Variants in KIF5C observed in about 807,000 individuals in gnomAD.
The protein encoded by KIF5C is kinesin family member 5C.
KIF5C carries 18 observed loss-of-function variants against 125.2 expected under a neutral mutation model. The observed-to-expected ratio is 0.14, with a 90% CI of 0.10 to 0.21. The LOEUF (loss-of-function observed/expected upper bound fraction) is 0.21, where lower values mean the gene tolerates loss of function less well. Among genes scored for constraint, KIF5C ranks in the 10% least tolerant of loss-of-function variants. The pLI is 1.00. For synonymous variants in KIF5C, 405 were observed against 434.0 expected, an observed-to-expected ratio of 0.93 and a Z score of 0.83; for missense variants, 780 against 1,183.8, an observed-to-expected ratio of 0.66 and a Z score of 5.01.
In KIF5C at chr2:149,007,115, G is replaced by A. The variant is rs547549300; in HGVS notation, c.2446-848G>A. ...CAGGTCCACTGAATCAGAGACTAGG[G>A]ATGGGGCGTGGCAATCTAAGTCTCA... is the stretch of plus-strand genomic sequence containing the variant. On this transcript the variant is annotated intron_variant, in intron 22 of 25. Transcript: ENST00000435030. 6.6e-5 allele frequency among the ~76,000 whole-genome samples: 10 copies of A among 152,310 alleles called. No homozygotes were observed. In the South Asian group the frequency reaches 2.1e-3, roughly 32 times the overall value.
chr2:148,989,314 G>A (rs1681462229), intron 15 of KIF5C, among the ~76,000 whole-genome samples: 1 of 150,970 alleles, frequency 6.6e-6, no homozygotes, highest in African/African-American at 2.4e-5. Context: ...TCCTTTTTAT[G>A]GCTGGGTAGT....
intron 1 of KIF5C, among the ~76,000 whole-genome samples, chr2:148,918,151 C>G (rs1474239748): frequency 6.6e-6 from 1 of 152,172 alleles, no homozygotes; most frequent in Non-Finnish European, 1.5e-5. Context: ...TAAGAACCAT[C>G]TGCTGTTATT....
chr2:148,878,934 T>C (rs1182353305), intron 1 of KIF5C: 1 of 152,230 alleles, frequency 6.6e-6, no homozygotes, highest in Non-Finnish European at 1.5e-5. Flanking sequence ...GGTCATTTTT[T>C]CCCTTAAAGT....
intron 21 of KIF5C, 114 bp from the exon 22 acceptor site, chr2:149,005,279 C>T: frequency 1.3e-6 from 2 of 1,497,772 alleles, no homozygotes; most frequent in Non-Finnish European, 9.0e-7. Context: ...GAAGGGGGTG[C>T]ACCAGCGGCG....
intron 9 of KIF5C, 94 bp from the exon 10 acceptor site, chr2:148,950,220 T>A: frequency 6.6e-7 from 1 of 1,523,132 alleles, no homozygotes; most frequent in Non-Finnish European, 8.8e-7. Context: ...TTTACTCGGT[T>A]TCTAAGCTCA....
intron 25 of KIF5C, among the ~76,000 whole-genome samples, chr2:149,013,404 C>T (rs1682269464): frequency 6.6e-6 from 1 of 152,134 alleles, no homozygotes; most frequent in South Asian, 2.1e-4. Flanking sequence ...TTCCTGAAGC[C>T]CCATGCAATG....
intron 8 of KIF5C, chr2:148,947,917 A>G (rs1313757205): frequency 2.2e-6 from 1 of 456,722 alleles, no homozygotes; most frequent in Admixed American, 2.3e-5. Context: ...ATTGCACTAC[A>G]TCACTGAGTT....
At chr2:148,897,375 C>T (rs564573225) in intron 1 of KIF5C, among the ~76,000 whole-genome samples, 108 of 152,188 alleles carry the variant, frequency 7.1e-4, no homozygotes, top group Non-Finnish European at 1.3e-3. Flanking sequence ...TTATAGCTTC[C>T]TTTCAAAAAT....
At chr2:148,938,400 G>A (rs943653540) in intron 4 of KIF5C, among the ~76,000 whole-genome samples, 7 of 152,014 alleles carry the variant, frequency 4.6e-5, no homozygotes, top group Non-Finnish European at 7.4e-5. Context: ...TGAGCATATC[G>A]TCACCTCCAA....
intron 1 of KIF5C, among the ~76,000 whole-genome samples, chr2:148,898,533 T>G (rs1680753103): frequency 6.6e-6 from 1 of 152,142 alleles, no homozygotes; most frequent in South Asian, 2.1e-4. Context: ...CAGGGATTCT[T>G]AAATGGGGAA....
Position 149,023,909 on chromosome 2 carries a change from C to G in KIF5C, c.*839C>G, listed in dbSNP as rs766084872. 2 of 152,168 alleles carry G rather than the reference C, an allele frequency of 1.3e-5. No homozygotes were observed. The highest frequency in any genetic ancestry group is 4.1e-4 in the South Asian group (2 of 4,832). The allele number at this position is 152,168 out of a possible 1,614,324, so 9.4% of individuals were successfully genotyped here. ...CTCTCCTCACTACTTCCTCTCTGATCGTTCTGAAGCTTGCATTGGGAATGG... is the reference window on the plus strand; with the variant it reads ...CTCTCCTCACTACTTCCTCTCTGATGGTTCTGAAGCTTGCATTGGGAATGG... On this transcript the variant is annotated 3_prime_UTR_variant, in exon 26 of 26. Transcript: ENST00000435030.
intron 4 of KIF5C, among the ~76,000 whole-genome samples, chr2:148,940,670 G>A (rs181201107): frequency 3.3e-5 from 5 of 152,274 alleles, no homozygotes; most frequent in African/African-American, 7.2e-5. Flanking sequence ...GATTTCAAAA[G>A]CACTTATGAA....
chr2:148,964,174 C>A (rs1682993973), intron 11 of KIF5C, among the ~76,000 whole-genome samples: 1 of 151,794 alleles, frequency 6.6e-6, no homozygotes, highest in Non-Finnish European at 1.5e-5. Flanking sequence ...ACTCAGTAGG[C>A]TGAGGCAGGA....
At chr2:148,922,276 A>G (rs1681819483) in intron 2 of KIF5C, 49 bp downstream of exon 2, 1 of 1,266,546 alleles carries the variant, frequency 7.9e-7, no homozygotes, top group Admixed American at 1.9e-5. Flanking sequence ...AGTAATTGAA[A>G]GCATTAAGTG....
At chr2:148,990,572 A>T (rs907649857) in intron 15 of KIF5C, among the ~76,000 whole-genome samples, 6 of 152,250 alleles carry the variant, frequency 3.9e-5, no homozygotes, top group African/African-American at 9.6e-5. Flanking sequence ...CTGAATAAGC[A>T]CACTATAGAG....
At chr2:148,944,434 A>C (rs952270641) in intron 7 of KIF5C, among the ~76,000 whole-genome samples, 1 of 152,240 alleles carries the variant, frequency 6.6e-6, no homozygotes, top group Non-Finnish European at 1.5e-5. Flanking sequence ...TTCACTTAGC[A>C]TAATGTCTTC....
chr2:148,991,871 C>CT (rs1396559278), intron 16 of KIF5C, among the ~76,000 whole-genome samples: 3 of 152,192 alleles, frequency 2.0e-5, no homozygotes, highest in African/African-American at 7.2e-5. Context: ...GGCTGCTCTT[C>CT]TTCCTATTGG....
At chr2:149,012,989 C>A (rs1682257492) in intron 25 of KIF5C, among the ~76,000 whole-genome samples, 1 of 152,222 alleles carries the variant, frequency 6.6e-6, no homozygotes. Flanking sequence ...GGTCATCGAA[C>A]TTTGGTGGAT....
chr2:148,989,681 T>G (rs1225983828), intron 15 of KIF5C, among the ~76,000 whole-genome samples: 1 of 152,222 alleles, frequency 6.6e-6, no homozygotes, highest in Non-Finnish European at 1.5e-5. Flanking sequence ...TGGCCATTCT[T>G]GCAGAAGCAA....
Sources: allele counts gnomAD v4.1 joint callset (sites outside exome capture counted in the v4.1 genomes callset), GRCh38; gene constraint gnomAD v4.1.1; transcripts MANE v1.5; gene names NCBI Gene and HGNC (gene_info 2026-07-23, HGNC 2026-07-21).